Variants in SGCG observed in about 807,000 individuals in gnomAD.
The protein encoded by SGCG is gamma-sarcoglycan.
A neutral mutation model predicts 29.3 loss-of-function variants in SGCG; 26 were observed. That is an observed-to-expected ratio of 0.89 (90% CI 0.65 to 1.23). The LOEUF (loss-of-function observed/expected upper bound fraction) is 1.23. Ranked by LOEUF, SGCG falls within the 50% of genes most tolerant of loss-of-function variation. The probability of loss-of-function intolerance (pLI) is 0.00; values close to 1 mark genes in which losing one functional copy is unlikely to be tolerated. For missense variants in SGCG, 353 were observed against 356.0 expected, an observed-to-expected ratio of 0.99 and a Z score of 0.07; for synonymous variants, 145 against 129.7, an observed-to-expected ratio of 1.12 and a Z score of -0.80.
chr13:23,221,082 A>G (rs926008938), intron 2 of SGCG, among the ~76,000 whole-genome samples: 1 of 152,188 alleles, frequency 6.6e-6, no homozygotes, highest in Admixed American at 6.5e-5. Context: ...GCATGCAATC[A>G]TTATTCCTTT....
intron 5 of SGCG, among the ~76,000 whole-genome samples, chr13:23,286,248 A>C (rs1400018823): frequency 6.6e-6 from 1 of 152,260 alleles, no homozygotes; most frequent in Non-Finnish European, 1.5e-5. Flanking sequence ...TCAACAAAGC[A>C]GATGCAAATT....
At chr13:23,164,849 G>A in the SGCG span, among the ~76,000 whole-genome samples, 1 of 152,156 alleles carries the variant, frequency 6.6e-6, no homozygotes, top group Non-Finnish European at 1.5e-5. Flanking sequence ...GCACTCAGGT[G>A]GAAGCTGATT....
chr13:23,194,347 G>A (rs1033302335), intron 1 of SGCG, among the ~76,000 whole-genome samples: 2 of 152,174 alleles, frequency 1.3e-5, no homozygotes, highest in Non-Finnish European at 2.9e-5. Context: ...ATCCAGGACT[G>A]TTTCGGGTGC....
chr13:23,300,522 G>T (rs1566038101), intron 6 of SGCG, among the ~76,000 whole-genome samples: 1 of 152,212 alleles, frequency 6.6e-6, no homozygotes, highest in African/African-American at 2.4e-5. Flanking sequence ...ATGCCCATCA[G>T]CCCAACGATG....
intron 1 of SGCG, among the ~76,000 whole-genome samples, chr13:23,197,255 G>A (rs1877551747): frequency 6.6e-6 from 1 of 152,104 alleles, no homozygotes; most frequent in African/African-American, 2.4e-5. Flanking sequence ...ACTGATACTG[G>A]TCACGGTCAC....
chr13:23,190,488 G>A lies in SGCG; in HGVS notation c.-1+9413G>A, dbSNP rs568191552. Among the ~76,000 whole-genome samples, 25 of 152,158 alleles carry A rather than the reference G, an allele frequency of 1.6e-4. No individual in the cohort carries two copies. In the South Asian group the frequency reaches 5.0e-3, roughly 30 times the overall value. On this transcript the variant is annotated intron_variant, in intron 1 of 7. Transcript: ENST00000218867. ...CATTGTATTTTCCATTTGGAGCTTT[G>A]GGGATAAATTTTAAGAAAACATAGG...
intron 2 of SGCG, among the ~76,000 whole-genome samples, chr13:23,229,225 T>C (rs963449403): frequency 6.6e-6 from 1 of 152,198 alleles, no homozygotes; most frequent in Admixed American, 6.5e-5. Context: ...TGATTCCATG[T>C]CTTTGCTATT....
intron 1 of SGCG, among the ~76,000 whole-genome samples, chr13:23,185,742 T>G (rs1188960477): frequency 6.6e-6 from 1 of 152,214 alleles, no homozygotes; most frequent in Non-Finnish European, 1.5e-5. Context: ...TTTCACCCAG[T>G]GCACTGATAA....
chr13:23,191,975 A>C (rs1414353784), intron 1 of SGCG, among the ~76,000 whole-genome samples: 1 of 151,970 alleles, frequency 6.6e-6, no homozygotes, highest in African/African-American at 2.4e-5. Flanking sequence ...GGAGATCGAG[A>C]CCATCCTGGC....
At chr13:23,186,298 G>C (rs1876968825) in intron 1 of SGCG, among the ~76,000 whole-genome samples, 1 of 152,194 alleles carries the variant, frequency 6.6e-6, no homozygotes, top group Admixed American at 6.5e-5. Flanking sequence ...CAAATGCCTT[G>C]CTGGTCCGCC....
intron 4 of SGCG, among the ~76,000 whole-genome samples, chr13:23,262,040 C>T (rs958650860): frequency 2.6e-5 from 4 of 151,832 alleles, no homozygotes; most frequent in African/African-American, 9.7e-5. Flanking sequence ...TCAATACACA[C>T]CAGAATAGAA....
chr13:23,283,537 C>T (rs9578571), intron 5 of SGCG, among the ~76,000 whole-genome samples: 65,678 of 151,792 alleles, frequency 0.43, 15,004 homozygotes, highest in Middle Eastern at 0.65. Context: ...GTCTCCTGAA[C>T]ATAGCCCATC....
intron 1 of SGCG, among the ~76,000 whole-genome samples, chr13:23,185,683 A>G (rs555476883): frequency 2.6e-4 from 39 of 152,356 alleles, no homozygotes; most frequent in African/African-American, 8.9e-4. Flanking sequence ...TAGCTGCCAC[A>G]GAGCTGGAGG....
the SGCG span, among the ~76,000 whole-genome samples, chr13:23,160,817 C>G: frequency 3.3e-5 from 5 of 152,186 alleles, no homozygotes; most frequent in African/African-American, 1.2e-4. Context: ...TTCTCCTCGC[C>G]TTCTCTGCCC....
At chr13:23,222,072 T>A (rs1040494005) in intron 2 of SGCG, among the ~76,000 whole-genome samples, 7 of 152,242 alleles carry the variant, frequency 4.6e-5, no homozygotes, top group Admixed American at 6.5e-5. Context: ...AGCCTAAATC[T>A]GCCTCCTTGT....
At chr13:23,192,372 A>G (rs1386610198) in intron 1 of SGCG, among the ~76,000 whole-genome samples, 9 of 151,268 alleles carry the variant, frequency 5.9e-5, no homozygotes, top group African/African-American at 1.7e-4. Flanking sequence ...TATTTTATTT[A>G]TTTTGTTTTG....
intron 2 of SGCG, among the ~76,000 whole-genome samples, chr13:23,228,102 T>C (rs1255912318): frequency 1.3e-5 from 2 of 152,022 alleles, no homozygotes; most frequent in Non-Finnish European, 2.9e-5. Context: ...CCACAGGGCA[T>C]TATTTTATGG....
chr13:23,162,811 T>C, the SGCG span, among the ~76,000 whole-genome samples: 1 of 151,970 alleles, frequency 6.6e-6, no homozygotes, highest in Non-Finnish European at 1.5e-5. Context: ...GCCTGGGCGA[T>C]AGAGTAAGAC....
chr13:23,194,402 C>G (rs909489565), intron 1 of SGCG, among the ~76,000 whole-genome samples: 5 of 152,136 alleles, frequency 3.3e-5, no homozygotes. Context: ...GAAGATGAAA[C>G]TTACTAATTT....
Sources: allele counts gnomAD v4.1 joint callset (sites outside exome capture counted in the v4.1 genomes callset), GRCh38; gene constraint gnomAD v4.1.1; transcripts MANE v1.5; gene names NCBI Gene and HGNC (gene_info 2026-07-23, HGNC 2026-07-21).